The following VGF variants were observed in gnomAD, a reference collection of about 807,000 sequenced individuals.
VGF encodes VGF nerve growth factor inducible.
VGF carries 13 observed loss-of-function variants against 41.1 expected under a neutral mutation model. That is an observed-to-expected ratio of 0.32 (90% CI 0.21 to 0.50). VGF has a LOEUF of 0.50. Ranked by LOEUF, VGF falls within the 20% of genes least tolerant of loss-of-function variation. The probability of loss-of-function intolerance (pLI) is 0.98; values close to 1 mark genes in which losing one functional copy is unlikely to be tolerated. For missense variants in VGF, 920 were observed against 882.1 expected (o/e 1.04, Z -0.54); for synonymous variants, 473 against 418.3 (o/e 1.13, Z -1.60).
chr7:101,167,582 C>T (rs886808563), upstream of VGF, among the ~76,000 whole-genome samples: 29 of 151,898 alleles, frequency 1.9e-4, no homozygotes, highest in Admixed American at 1.8e-3. The surrounding 1 kb of genome is among the most constrained non-coding windows in gnomAD (Gnocchi z 4.2). Context: ...ATGGCTCAGA[C>T]ATCTGGAGAG....
chr7:101,166,512 AGG>A (rs2116712610), upstream of VGF, among the ~76,000 whole-genome samples: 1 of 95,542 alleles, frequency 1.0e-5, no homozygotes, highest in East Asian at 4.3e-4. Context: ...GGGGTTGCGC[AGG>A]TGGGGGGGGG....
rs1176222196 is a variant in VGF, at chr7:101,164,823, C to G, written c.21G>C (p.Ser7=). MKALRL[S]ASALFCLLLI... is the part of the protein sequence containing the mutation. Reference sequence around the variant, plus strand: ...GCAGAAGGCAGAAGAGGGCGGAAGCCGACAATCTGAGGGCTTTCATGACCA... The same window carrying G: ...GCAGAAGGCAGAAGAGGGCGGAAGCGGACAATCTGAGGGCTTTCATGACCA... The change falls in exon 2 of 2, where the codon TCG becomes TCC. Residue 7 remains serine, a synonymous_variant. Coordinates refer to ENST00000249330, the MANE Select transcript of VGF (RefSeq NM_003378.4). 1 of 1,564,358 alleles carries G rather than the reference C, an allele frequency of 6.4e-7. No homozygotes were observed. The highest frequency in any genetic ancestry group is 1.1e-5 in the South Asian group (1 of 87,296).
rs759831588 is a variant in VGF at position 101,163,520 on chromosome 7, C to T, written c.1324G>A (p.Glu442Lys). ...AEGTEEGGEE[E>K]DDEEMDPQTI... ...TGCGGATCCATCTCCTCGTCGTCCTCCTCCTCCCCGCCCTCCTCTGTCCCC... is the reference window on the plus strand; with the variant it reads ...TGCGGATCCATCTCCTCGTCGTCCTTCTCCTCCCCGCCCTCCTCTGTCCCC... The change falls in exon 2 of 2, where the codon GAG (glutamate) becomes AAG (lysine). Residue 442 changes from glutamate (E) to lysine (K), a missense_variant. Glu to Lys is a moderately conservative substitution (Grantham distance 56, BLOSUM62 1). This residue lies in a region of VGF where 654 missense variants were observed against 638.4 expected (regional missense o/e 1.02). Transcript: ENST00000249330. The surrounding 1 kb of genome is among the most constrained non-coding windows in gnomAD (Gnocchi z 5.0). 1.3e-5 allele frequency: 21 copies of T among 1,609,944 alleles called. No individual in the cohort carries two copies. Among genetic ancestry groups the T allele is most frequent in the South Asian group, 2.2e-5 (2 of 90,366 alleles).
Position 101,164,171 on chromosome 7 carries a change from G to A in VGF, c.673C>T (p.Pro225Ser), listed in dbSNP as rs889322480. Reference sequence around the variant, plus strand: ...GCCTGGAATTGAGAGGGGGCCGGGGGCGGCAGGGGCGCGCGCTCCGGGACA... The same window carrying A: ...GCCTGGAATTGAGAGGGGGCCGGGGACGGCAGGGGCGCGCGCTCCGGGACA... Reference protein sequence around the residue: ...ARVPERAPLPPPAPSQFQARM... With the variant: ...ARVPERAPLPSPAPSQFQARM... Residue 225 changes from proline to serine, a missense_variant, in exon 2 of 2, where the codon CCC (proline) becomes TCC (serine). Physicochemically the swap from Pro to Ser is moderately conservative, Grantham distance 74. Transcript: ENST00000249330. 12 of 1,510,346 alleles carry A rather than the reference G, an allele frequency of 7.9e-6. No homozygotes were observed. Among genetic ancestry groups the A allele is most frequent in the African/African-American group, 4.2e-5 (3 of 71,902 alleles). 93.6% of individuals were successfully genotyped at this position (1,510,346 alleles called of 1,614,324 possible).
upstream of VGF, among the ~76,000 whole-genome samples, chr7:101,168,785 G>T (rs1380147525): frequency 6.6e-6 from 1 of 152,144 alleles, no homozygotes; most frequent in Non-Finnish European, 1.5e-5. Context: ...GTCTGGGAGA[G>T]AAAGAGAGAG....
At chr7:101,167,897 G>T (rs68051753), upstream of VGF, among the ~76,000 whole-genome samples, 1 of 151,960 alleles carries the variant, frequency 6.6e-6, no homozygotes, top group Non-Finnish European at 1.5e-5. This position sits in a 1 kb window ranked among gnomAD's most constrained non-coding sequence, Gnocchi z 4.2. Context: ...GATGGGCATG[G>T]TAGTGTTTCC....
At chr7:101,166,694 G>C (rs1236992331), upstream of VGF, among the ~76,000 whole-genome samples, 1 of 148,420 alleles carries the variant, frequency 6.7e-6, no homozygotes, top group Non-Finnish European at 1.5e-5. Flanking sequence ...CCGGGGGTGG[G>C]GGGCGATGAC....
Position 101,164,403 on chromosome 7 carries a change from G to T in VGF, c.441C>A (p.Pro147=), listed in dbSNP as rs1411021744. 2 of 1,610,658 alleles carry T rather than the reference G, an allele frequency of 1.2e-6. No individual in the cohort carries two copies. Residue 147 remains proline, a synonymous_variant, in exon 2 of 2, where the codon CCC becomes CCA. Transcript: ENST00000249330. ...GCTCCTCGGAGGGATCGCTCGCCTC[G>T]GGCCCATTCTCCGGAGTCTGAGGGC... is the stretch of plus-strand genomic sequence containing the variant. ...PPRPQTPENG[P]EASDPSEELE...
Position 101,163,063 on chromosome 7 carries a change from T to TCCTCCGCCTCCG in VGF, c.1769_1780dup (p.Ala590_Glu593dup). 1 of 1,571,768 alleles carries TCCTCCGCCTCCG rather than the reference T, an allele frequency of 6.4e-7. No individual in the cohort carries two copies. Among genetic ancestry groups the TCCTCCGCCTCCG allele is most frequent in the Non-Finnish European group, 8.6e-7 (1 of 1,163,706 alleles). ...CTCCTCCTGCTCCTGCAGCCGGCGC[T>TCCTCCGCCTCCG]CCTCCGCCTCCGCCTCCTCCTGCGC... On this transcript the variant is annotated inframe_insertion, in exon 2 of 2. Coordinates refer to ENST00000249330, the MANE Select transcript of VGF (RefSeq NM_003378.4). The surrounding 1 kb of genome is among the most constrained non-coding windows in gnomAD (Gnocchi z 5.0).
chr7:101,163,709 C>G lies in VGF; in HGVS notation c.1135G>C (p.Gly379Arg), dbSNP rs1488963741. The G allele has an allele frequency of 2.0e-6, 3 of 1,535,924 alleles. No individual in the cohort carries two copies. The highest frequency in any genetic ancestry group is 1.2e-5 in the South Asian group (1 of 84,032). The change falls in exon 2 of 2, where the codon GGG becomes CGG. Residue 379 changes from glycine to arginine, a missense_variant. Around this residue, in one of 3 missense-constraint regions of VGF, gnomAD observed 654 missense variants for 638.4 expected, o/e 1.02. Transcript: ENST00000249330. The surrounding 1 kb of genome is among the most constrained non-coding windows in gnomAD (Gnocchi z 5.0). Reference sequence around the variant, plus strand: ...TCGGCCGCCTCCTCATCCTCTTCCCCCACCCTCTCCTCCCCGCCGCGTCTC... The same window carrying G: ...TCGGCCGCCTCCTCATCCTCTTCCCGCACCCTCTCCTCCCCGCCGCGTCTC... ...QERRGGEERV[G>R]EEDEEAAEAE... is the part of the protein sequence containing the mutation.
rs1369037693 is a variant in VGF at position 101,164,847 on chromosome 7, C to T, written c.-4G>A. The T allele has an allele frequency of 6.5e-7, 1 of 1,544,184 alleles. No homozygotes were observed. Among genetic ancestry groups the T allele is most frequent in the East Asian group, 2.3e-5 (1 of 43,762 alleles). On this transcript the variant is annotated 5_prime_UTR_variant, in exon 2 of 2. Coordinates refer to ENST00000249330, the MANE Select transcript of VGF (RefSeq NM_003378.4). ...CCGACAATCTGAGGGCTTTCATGAC[C>T]AAGAGGCTGCCGGAGACTGAAAAAT... is the stretch of plus-strand genomic sequence containing the variant.
chr7:101,167,126 C>G (rs1020294960), upstream of VGF, among the ~76,000 whole-genome samples: 6 of 152,058 alleles, frequency 3.9e-5, no homozygotes, highest in African/African-American at 1.5e-4. The surrounding 1 kb of genome is among the most constrained non-coding windows in gnomAD (Gnocchi z 4.2). Context: ...CTAACCTCCC[C>G]CTCCCTACAC....
Position 101,162,984 on chromosome 7 carries a change from C to G in VGF, c.*12G>C. 7.6e-7 allele frequency: 1 copy of G among 1,322,390 alleles called. No homozygotes were observed. The highest frequency in any genetic ancestry group is 9.8e-7 in the Non-Finnish European group (1 of 1,024,250). The allele number at this position is 1,322,390 out of a possible 1,614,324, so 81.9% of individuals were successfully genotyped here. On this transcript the variant is annotated 3_prime_UTR_variant, in exon 2 of 2. Coordinates refer to ENST00000249330, the MANE Select transcript of VGF (RefSeq NM_003378.4). The surrounding 1 kb of genome is among the most constrained non-coding windows in gnomAD (Gnocchi z 4.2). The stretch of plus-strand genomic sequence containing the variant: ...CGGCGGGGGCGCGCGGGGGCGGGAC[C>G]GGGAAGGGCAGTCACGGGCGCCGGA...
rs1224027601 is a variant in VGF, at chr7:101,164,861, A to G, written c.-18T>C. The G allele has an allele frequency of 6.5e-7, 1 of 1,535,318 alleles. No homozygotes were observed. The highest frequency in any genetic ancestry group is 1.8e-4 in the Middle Eastern group (1 of 5,678). ...GCTTTCATGACCAAGAGGCTGCCGG[A>G]GACTGAAAAATAGAAGGGACCAAAA... On this transcript the variant is annotated splice_region_variant and 5_prime_UTR_variant, in exon 2 of 2. Coordinates refer to ENST00000249330, the MANE Select transcript of VGF (RefSeq NM_003378.4).
At position 101,164,352 on chromosome 7, in the gene VGF, C is replaced by G; in HGVS notation, c.492G>C (p.Gln164His). 1 of 1,611,998 alleles carries G rather than the reference C, an allele frequency of 6.2e-7. No individual in the cohort carries two copies. The highest frequency in any genetic ancestry group is 8.5e-7 in the Non-Finnish European group (1 of 1,179,908). ...TACTTGGACTGAAATCTCGCAGTTC[C>G]TGGAGCAGGGACGCTAGCGCCTCGA... is the stretch of plus-strand genomic sequence containing the variant. The part of the protein sequence containing the change: ...EELEALASLL[Q>H]ELRDFSPSSA... The change falls in exon 2 of 2, where the codon CAG (glutamine) becomes CAC (histidine). Residue 164 changes from glutamine to histidine, a missense_variant. Gln to His is a conservative substitution (Grantham distance 24, BLOSUM62 0). Coordinates refer to ENST00000249330, the MANE Select transcript of VGF (RefSeq NM_003378.4).
chr7:101,163,635 G>T lies in VGF; in HGVS notation c.1209C>A (p.Leu403=). 4.5e-6 allele frequency: 7 copies of T among 1,544,632 alleles called. No individual in the cohort carries two copies. In the South Asian group the frequency reaches 7.1e-5, roughly 16 times the overall value. The change falls in exon 2 of 2, where the codon CTC becomes CTA. Residue 403 remains leucine (L), a synonymous_variant. Coordinates refer to ENST00000249330, the MANE Select transcript of VGF (RefSeq NM_003378.4). This position sits in a 1 kb window ranked among gnomAD's most constrained non-coding sequence, Gnocchi z 5.0. ...CCCCGTCCTCCTCCTCCGCGAACAG[G>T]AGCGCGTTCTGCCGCGCCCTCTCCG... is the stretch of plus-strand genomic sequence containing the variant. ...EEAERARQNA[L]LFAEEEDGEA...
At chr7:101,166,232 T>C (rs1203033641), upstream of VGF, among the ~76,000 whole-genome samples, 2 of 152,284 alleles carry the variant, frequency 1.3e-5, no homozygotes, top group African/African-American at 4.8e-5. Context: ...CTTGCGGTTT[T>C]GGTAATCCCA....
At chr7:101,167,561 A>G (rs1393104637), upstream of VGF, among the ~76,000 whole-genome samples, 2 of 152,008 alleles carry the variant, frequency 1.3e-5, no homozygotes, top group East Asian at 3.9e-4. The surrounding 1 kb of genome is among the most constrained non-coding windows in gnomAD (Gnocchi z 4.2). Context: ...AGGAGGATGA[A>G]TCAGAGAGAG....
In VGF at chr7:101,164,521, T is replaced by A. The variant is rs867756667; in HGVS notation, c.323A>T (p.Glu108Val). ...GGTCAGCAGAGCTTCAGCTGCTTCT[T>A]CCTCCGGCCCCTGCTGGGAGCCGCT... ...APSGSQQGPE[E>V]EAAEALLTET... Residue 108 changes from glutamate to valine, a missense_variant, in exon 2 of 2, where the codon GAA becomes GTA. Glu to Val is a moderately radical substitution (Grantham distance 121). This residue lies in a region of VGF where 654 missense variants were observed against 638.4 expected (regional missense o/e 1.02). Transcript: ENST00000249330. The A allele has an allele frequency of 1.9e-6, 3 of 1,599,494 alleles. No individual in the cohort carries two copies. Among genetic ancestry groups the A allele is most frequent in the Non-Finnish European group, 2.5e-6 (3 of 1,178,528 alleles).
Sources: gnomAD v4.1 joint callset for allele counts (sites outside exome capture counted in the v4.1 genomes callset) on GRCh38, gnomAD v4.1.1 for gene constraint, gnomAD v4.1.1 regional missense constraint, Gnocchi (gnomAD v3.1) non-coding constraint, MANE v1.5 for transcripts, NCBI Gene and HGNC (gene_info 2026-07-23, HGNC 2026-07-21) for gene names.